ACVR1C: variants seen among roughly 807,000 people sequenced by gnomAD.
ACVR1C encodes the protein activin receptor type-1C.
Under a neutral mutation model 57.9 loss-of-function variants are expected in ACVR1C, and 23 were observed. That is an observed-to-expected ratio of 0.40 (90% CI 0.29 to 0.56). ACVR1C has a LOEUF of 0.56. Ranked by LOEUF, ACVR1C falls within the 20% of genes least tolerant of loss-of-function variation. ACVR1C has a pLI of 0.50. For missense variants in ACVR1C, 480 were observed against 607.9 expected, an observed-to-expected ratio of 0.79 and a Z score of 2.21; for synonymous variants, 214 against 215.3, an observed-to-expected ratio of 0.99 and a Z score of 0.05.
intron 1 of ACVR1C, among the ~76,000 whole-genome samples, chr2:157,625,417 G>C (rs879278796): frequency 6.6e-6 from 1 of 152,108 alleles, no homozygotes; most frequent in Admixed American, 6.5e-5. Flanking sequence ...TTGGAACCAG[G>C]GAGCCTCTTG....
intron 6 of ACVR1C, 123 bp downstream of exon 6, chr2:157,542,583 T>A: frequency 8.6e-7 from 1 of 1,164,864 alleles, no homozygotes; most frequent in Non-Finnish European, 1.2e-6. Flanking sequence ...CAGAGAAGAC[T>A]TCTGGATTTC....
intron 1 of ACVR1C, among the ~76,000 whole-genome samples, chr2:157,623,378 G>A (rs1165573731): frequency 6.6e-6 from 1 of 152,044 alleles, no homozygotes; most frequent in African/African-American, 2.4e-5. Context: ...CAGACGAATG[G>A]ATAACAAAAA....
chr2:157,616,556 G>C (rs1682657062), intron 1 of ACVR1C, among the ~76,000 whole-genome samples: 1 of 152,084 alleles, frequency 6.6e-6, no homozygotes, highest in Non-Finnish European at 1.5e-5. Flanking sequence ...GTTCTATTGA[G>C]TGCTCTGTCA....
intron 1 of ACVR1C, among the ~76,000 whole-genome samples, chr2:157,596,996 G>C (rs550626011): frequency 6.6e-6 from 1 of 152,262 alleles, no homozygotes; most frequent in South Asian, 2.1e-4. Flanking sequence ...TCCGGCTGGG[G>C]CTGCGGGTAA....
chr2:157,578,103 C>T (rs1435820400), intron 2 of ACVR1C, among the ~76,000 whole-genome samples: 1 of 152,084 alleles, frequency 6.6e-6, no homozygotes, highest in Non-Finnish European at 1.5e-5. Flanking sequence ...CAGGGTCTTG[C>T]CATGTTGCCC....
intron 1 of ACVR1C, among the ~76,000 whole-genome samples, chr2:157,613,827 G>T (rs1405927855): frequency 6.6e-6 from 1 of 152,076 alleles, no homozygotes; most frequent in South Asian, 2.1e-4. Context: ...TTCTTTCATT[G>T]TGATGTCTTT....
chr2:157,582,867 G>C (rs949826381), intron 2 of ACVR1C, among the ~76,000 whole-genome samples: 1 of 152,074 alleles, frequency 6.6e-6, no homozygotes, highest in African/African-American at 2.4e-5. Context: ...ACTAATATAA[G>C]CTATTTTCTT....
rs7576514 is a variant in ACVR1C at position 157,538,567 on chromosome 2, C to G, written c.1356+6G>C. On this transcript the variant is annotated splice_donor_region_variant and intron_variant, in intron 8 of 8. Coordinates refer to ENST00000243349, the MANE Select transcript of ACVR1C (RefSeq NM_145259.3). ...AAGAAAAATATAGATAAAAACATGG[C>G]CTTACTTCACAACTTTGCCACTGGT... The G allele has an allele frequency of 0.88, 1,354,100 of 1,547,518 alleles. 593,757 individuals carry two copies. Among genetic ancestry groups the G allele is most frequent in the East Asian group, 0.93 (39,327 of 42,144 alleles).
At chr2:157,534,556 G>A (rs965616285) in intron 8 of ACVR1C, among the ~76,000 whole-genome samples, 57 of 151,462 alleles carry the variant, frequency 3.8e-4, no homozygotes, top group Admixed American at 3.3e-4. Context: ...GTAAACGTAC[G>A]AAAAAAAATT....
intron 1 of ACVR1C, among the ~76,000 whole-genome samples, chr2:157,624,742 T>C (rs1178857479): frequency 6.6e-6 from 1 of 152,124 alleles, no homozygotes; most frequent in East Asian, 1.9e-4. Context: ...AGCTGAGGAC[T>C]AGAAAATAGG....
At chr2:157,555,158 C>T (rs1233638953) in intron 3 of ACVR1C, among the ~76,000 whole-genome samples, 1 of 126,268 alleles carries the variant, frequency 7.9e-6, no homozygotes, top group Non-Finnish European at 1.6e-5. Flanking sequence ...GTCACCCAGG[C>T]CGGACTGCGG....
chr2:157,606,364 A>C (rs1220326783), intron 1 of ACVR1C, among the ~76,000 whole-genome samples: 1 of 151,662 alleles, frequency 6.6e-6, no homozygotes, highest in Non-Finnish European at 1.5e-5. Flanking sequence ...TTAGTTTTTT[A>C]AGGAATCTCC....
intron 1 of ACVR1C, among the ~76,000 whole-genome samples, chr2:157,620,804 G>C (rs1333368208): frequency 6.6e-6 from 1 of 151,996 alleles, no homozygotes; most frequent in Non-Finnish European, 1.5e-5. Context: ...ATCCTGATGA[G>C]TTAGATTTTT....
Position 157,534,059 on chromosome 2 carries a change from A to C in ACVR1C, c.1357-16T>G. 1 of 1,518,640 alleles carries C rather than the reference A, an allele frequency of 6.6e-7. No individual in the cohort carries two copies. The highest frequency in any genetic ancestry group is 8.8e-7 in the Non-Finnish European group (1 of 1,138,598). The allele number at this position is 1,518,640 out of a possible 1,614,324, so 94.1% of individuals were successfully genotyped here. ...CTCGGAGTGCCTTTAAGAGAGAAAA[A>C]AAAAATCAAAGACTTTAGCTACTCT... On this transcript the variant is annotated splice_polypyrimidine_tract_variant and intron_variant, in intron 8 of 8. Transcript: ENST00000243349.
intron 1 of ACVR1C, among the ~76,000 whole-genome samples, chr2:157,625,187 C>G (rs1392900275): frequency 6.6e-6 from 1 of 152,170 alleles, no homozygotes; most frequent in African/African-American, 2.4e-5. Context: ...AACTGAGCTC[C>G]TGTGATCTGT....
At chr2:157,628,074 G>A (rs1682943229) in intron 1 of ACVR1C, among the ~76,000 whole-genome samples, 1 of 152,052 alleles carries the variant, frequency 6.6e-6, no homozygotes, top group Admixed American at 6.5e-5. Flanking sequence ...TGCGGCTTTT[G>A]GGGTATTCCC....
chr2:157,555,143 G>A (rs1331664574), intron 3 of ACVR1C, among the ~76,000 whole-genome samples: 1 of 100,950 alleles, frequency 9.9e-6, no homozygotes, highest in Non-Finnish European at 1.7e-5. Flanking sequence ...ACGGAGTCTC[G>A]CTCTGTCACC....
intron 2 of ACVR1C, among the ~76,000 whole-genome samples, chr2:157,576,691 T>C (rs1201972572): frequency 6.6e-6 from 1 of 152,176 alleles, no homozygotes; most frequent in Non-Finnish European, 1.5e-5. Context: ...TTTTCTATAC[T>C]GTTTTTGTTT....
chr2:157,545,784 CA>C (rs572431304), intron 4 of ACVR1C, among the ~76,000 whole-genome samples: 20 of 151,952 alleles, frequency 1.3e-4, no homozygotes, highest in African/African-American at 4.6e-4. Flanking sequence ...TTTATTTATT[CA>C]TTTTTTTGAG....
Sources: gnomAD v4.1 joint callset for allele counts (sites outside exome capture counted in the v4.1 genomes callset) on GRCh38, gnomAD v4.1.1 for gene constraint, MANE v1.5 for transcripts, NCBI Gene and HGNC (gene_info 2026-07-23, HGNC 2026-07-21) for gene names.